WRN: variants seen among roughly 807,000 people sequenced by gnomAD.
WRN encodes the protein bifunctional 3'-5' exonuclease/ATP-dependent helicase WRN.
Under a neutral mutation model 180.7 loss-of-function variants are expected in WRN, and 149 were observed. The ratio of observed to expected loss-of-function variants is 0.82; its 90% CI spans 0.72 to 0.94. The LOEUF (loss-of-function observed/expected upper bound fraction) is 0.94, where lower values mean the gene tolerates loss of function less well. Ranked by LOEUF, WRN falls within the 40% of genes least tolerant of loss-of-function variation. WRN has a pLI of 0.00. For synonymous variants in WRN, 548 were observed against 568.9 expected (o/e 0.96, Z 0.52); for missense variants, 1,661 against 1,700.1 (o/e 0.98, Z 0.40).
chr8:31,082,452 C>G (rs1370360658), intron 9 of WRN, among the ~76,000 whole-genome samples: 1 of 152,130 alleles, frequency 6.6e-6, no homozygotes, highest in Non-Finnish European at 1.5e-5. Flanking sequence ...TATTCTCATA[C>G]CAACCATTCA....
At chr8:31,167,793 G>T (rs1251698762) in intron 34 of WRN, among the ~76,000 whole-genome samples, 1 of 152,024 alleles carries the variant, frequency 6.6e-6, no homozygotes, top group East Asian at 1.9e-4. Context: ...ATTGCTCTGT[G>T]TATGGCATGA....
At chr8:31,137,714 C>T (rs551296089) in intron 24 of WRN, among the ~76,000 whole-genome samples, 3 of 152,062 alleles carry the variant, frequency 2.0e-5, no homozygotes, top group East Asian at 1.9e-4. Flanking sequence ...AGAGCTATGA[C>T]GTGAACTCAG....
chr8:31,096,768 A>G lies in WRN; in HGVS notation c.1899A>G (p.Leu633=). Residue 633 remains leucine, a splice_region_variant and synonymous_variant, in exon 17 of 35, where the codon TTA becomes TTG. Transcript: ENST00000298139. The part of the protein sequence containing the change: ...QSENVLTDIK[L]GKYRIVYVTP... ...TTTTTTCTTTTGTTTGTTTTTACAG[A>G]GGTAAATACCGGATTGTATACGTAA... 1 of 1,603,068 alleles carries G rather than the reference A, an allele frequency of 6.2e-7. No homozygotes were observed. Among genetic ancestry groups the G allele is most frequent in the Non-Finnish European group, 8.5e-7 (1 of 1,176,540 alleles).
chr8:31,084,846 T>C (rs1813462947), intron 10 of WRN, among the ~76,000 whole-genome samples: 1 of 152,192 alleles, frequency 6.6e-6, no homozygotes, highest in Non-Finnish European at 1.5e-5. Context: ...TCAAAAAGTT[T>C]GGGAGACACA....
intron 1 of WRN, among the ~76,000 whole-genome samples, chr8:31,051,772 G>T (rs60246434): frequency 0.013 from 1,962 of 152,162 alleles, 38 homozygotes; most frequent in African/African-American, 0.044. Context: ...CACCACAATG[G>T]GTTGTTAATA....
intron 3 of WRN, among the ~76,000 whole-genome samples, chr8:31,063,919 G>C (rs1356347724): frequency 1.3e-5 from 2 of 151,646 alleles, no homozygotes; most frequent in African/African-American, 4.8e-5. Context: ...GTAGAGACAT[G>C]CTGTGTTGCA....
At chr8:31,120,479 A>C in intron 21 of WRN, 55 bp downstream of exon 21, 1 of 1,544,362 alleles carries the variant, frequency 6.5e-7, no homozygotes, top group African/African-American at 1.4e-5. Context: ...CTTTCCATAT[A>C]AACCTCAAAA....
intron 19 of WRN, among the ~76,000 whole-genome samples, chr8:31,114,339 A>G (rs1272000145): frequency 6.6e-6 from 1 of 152,180 alleles, no homozygotes; most frequent in African/African-American, 2.4e-5. Flanking sequence ...GAGATAGATG[A>G]GTCTCTCATA....
chr8:31,091,321 A>G (rs537114140), intron 15 of WRN, among the ~76,000 whole-genome samples: 6 of 152,038 alleles, frequency 3.9e-5, no homozygotes, highest in East Asian at 1.9e-4. Context: ...TGAGCTTGCA[A>G]TCTGTTTTAA....
intron 23 of WRN, among the ~76,000 whole-genome samples, chr8:31,129,814 G>A (rs1254056076): frequency 6.6e-6 from 1 of 151,922 alleles, no homozygotes; most frequent in East Asian, 1.9e-4. Context: ...AAACCATCCT[G>A]GCCAACATGG....
chr8:31,147,323 A>C (rs763664010), intron 29 of WRN, 41 bp from the exon 30 acceptor site: 5 of 1,591,230 alleles, frequency 3.1e-6, no homozygotes, highest in Non-Finnish European at 4.3e-6. Context: ...AGATCTTTTA[A>C]GTACACTTTA....
intron 23 of WRN, among the ~76,000 whole-genome samples, chr8:31,127,208 T>C (rs1412357724): frequency 6.6e-6 from 1 of 152,086 alleles, no homozygotes; most frequent in Non-Finnish European, 1.5e-5. Context: ...CTTTGAAACA[T>C]AAAACTATAC....
intron 30 of WRN, 109 bp downstream of exon 30, chr8:31,147,585 G>T: frequency 5.9e-6 from 6 of 1,020,064 alleles, no homozygotes; most frequent in Non-Finnish European, 9.0e-6. Context: ...ACATCTGGGA[G>T]GTGACTCAGA....
At chr8:31,099,473 AT>A (rs762661900) in intron 17 of WRN, among the ~76,000 whole-genome samples, 1 of 151,312 alleles carries the variant, frequency 6.6e-6, no homozygotes, top group Non-Finnish European at 1.5e-5. Flanking sequence ...ATAATATTGA[AT>A]TTTTTCCAGC....
chr8:31,115,073 T>G (rs930735749), intron 19 of WRN, among the ~76,000 whole-genome samples: 3 of 152,244 alleles, frequency 2.0e-5, no homozygotes, highest in Admixed American at 2.0e-4. Flanking sequence ...TTTTTGTATT[T>G]TTAGTAGAGA....
At chr8:31,149,702 T>A (rs963554808) in intron 30 of WRN, among the ~76,000 whole-genome samples, 1 of 151,968 alleles carries the variant, frequency 6.6e-6, no homozygotes, top group Non-Finnish European at 1.5e-5. Flanking sequence ...GTTGAACTCC[T>A]GAGCTCAGGC....
chr8:31,166,870 T>C, intron 33 of WRN, 152 bp from the exon 34 acceptor site: 1 of 707,218 alleles, frequency 1.4e-6, no homozygotes, highest in African/African-American at 1.8e-5. Context: ...CCATTTCCAT[T>C]CCGTAAGGCT....
At chr8:31,081,416 T>G (rs1813307816) in intron 9 of WRN, 120 bp downstream of exon 9, 3 of 1,046,982 alleles carry the variant, frequency 2.9e-6, no homozygotes. Flanking sequence ...TCTGTTGCAG[T>G]AACTCAGTTC....
chr8:31,100,918 T>A lies in WRN; in HGVS notation c.2051T>A (p.Phe684Tyr). Residue 684 changes from phenylalanine (F) to tyrosine (Y), a missense_variant, in exon 18 of 35, where the codon TTC becomes TAC. Coordinates refer to ENST00000298139, the MANE Select transcript of WRN (RefSeq NM_000553.6). ...SEWGHDFRDSFRKLGSLKTAL... is the reference protein window; with the variant it reads ...SEWGHDFRDSYRKLGSLKTAL... ...TGGGGGCATGATTTTAGGGATTCAT[T>A]CAGGAAGTTGGGCTCCCTAAAGACA... 1 of 1,613,948 alleles carries A rather than the reference T, an allele frequency of 6.2e-7. No homozygotes were observed. Among genetic ancestry groups the A allele is most frequent in the Non-Finnish European group, 8.5e-7 (1 of 1,179,902 alleles).
Sources: gnomAD v4.1 joint callset for allele counts (sites outside exome capture counted in the v4.1 genomes callset) on GRCh38, gnomAD v4.1.1 for gene constraint, MANE v1.5 for transcripts, NCBI Gene and HGNC (gene_info 2026-07-23, HGNC 2026-07-21) for gene names.